The following TPGS2 variants were observed in gnomAD, a reference collection of about 807,000 sequenced individuals.
The protein encoded by TPGS2 is polyglutamylase subunit 2.
TPGS2 carries 26 observed loss-of-function variants against 31.1 expected under a neutral mutation model. The observed-to-expected ratio is 0.84, with a 90% confidence interval of 0.61 to 1.16. The LOEUF (loss-of-function observed/expected upper bound fraction) is 1.16. Among genes scored for constraint, TPGS2 ranks in the 50% most tolerant of loss-of-function variants. The pLI is 0.00. For synonymous variants in TPGS2, 130 were observed against 136.6 expected (o/e 0.95, Z 0.34); for missense variants, 351 against 363.8 (o/e 0.96, Z 0.29).
intron 4 of TPGS2, among the ~76,000 whole-genome samples, chr18:36,802,563 G>A (rs2044876583): frequency 6.6e-6 from 1 of 151,868 alleles, no homozygotes; most frequent in African/African-American, 2.4e-5. Context: ...ACCTCCACAG[G>A]GGCATATAAG....
chr18:36,804,704 G>C (rs2150592671), intron 4 of TPGS2, among the ~76,000 whole-genome samples: 1 of 152,252 alleles, frequency 6.6e-6, no homozygotes, highest in South Asian at 2.1e-4. Context: ...TTCTGTTCAA[G>C]GAAGCCATAC....
rs997658790 is a variant in TPGS2, at chr18:36,796,167, G to A, written c.*638C>T. On this transcript the variant is annotated 3_prime_UTR_variant, in exon 7 of 7. Transcript: ENST00000334295. ...ACAAAGAACATACAATTGTGTACTT[G>A]AGAGGTTTCATGGAACATTATGACC... 53 of 985,294 alleles carry A rather than the reference G, an allele frequency of 5.4e-5. No individual in the cohort carries two copies. Among genetic ancestry groups the A allele is most frequent in the Non-Finnish European group, 5.8e-5 (48 of 829,936 alleles). The allele number at this position is 985,294 out of a possible 1,614,324, so 61.0% of individuals were successfully genotyped here.
intron 1 of TPGS2, among the ~76,000 whole-genome samples, chr18:36,824,229 A>G (rs771660118): frequency 6.6e-6 from 1 of 152,246 alleles, no homozygotes; most frequent in Admixed American, 6.5e-5. Flanking sequence ...TTTTTGTTAT[A>G]TGGATATATC....
At chr18:36,781,930 A>G (rs2150514189), downstream of TPGS2, 1 of 984,986 alleles carries the variant, frequency 1.0e-6, no homozygotes, top group Non-Finnish European at 1.2e-6. Context: ...CACCTTATTG[A>G]AAAGAATACA....
At chr18:36,823,141 A>G (rs1002340815) in intron 1 of TPGS2, among the ~76,000 whole-genome samples, 2 of 152,232 alleles carry the variant, frequency 1.3e-5, no homozygotes, top group African/African-American at 4.8e-5. Context: ...CTGGCACGGC[A>G]TGACTGGCTT....
downstream of TPGS2, chr18:36,789,591 A>G (rs1346892422): frequency 6.6e-6 from 1 of 152,208 alleles, no homozygotes; most frequent in Non-Finnish European, 1.5e-5. Context: ...ATTGCTTTGG[A>G]CTGCAGTTTC....
chr18:36,827,757 C>G (rs951863382), intron 1 of TPGS2, among the ~76,000 whole-genome samples: 22 of 152,182 alleles, frequency 1.4e-4, no homozygotes, highest in African/African-American at 5.3e-4. Context: ...TTTAACTTCC[C>G]TGGTAAGATC....
At chr18:36,782,945 C>T (rs1477930505), downstream of TPGS2, 1 of 396,158 alleles carries the variant, frequency 2.5e-6, no homozygotes, top group African/African-American at 2.1e-5. Flanking sequence ...CCTGCCAGCT[C>T]AGTGGCAGGA....
At position 36,828,974 on chromosome 18, in the gene TPGS2, G is replaced by T. The variant is rs2046340066; in HGVS notation, c.-207C>A. Reference sequence around the variant, plus strand: ...GCGGCCCCGCCCGGTGCCCCACACCGCACCTCCGGGACGTAGCTTCCCCTT... The same window carrying T: ...GCGGCCCCGCCCGGTGCCCCACACCTCACCTCCGGGACGTAGCTTCCCCTT... On this transcript the variant is annotated 5_prime_UTR_variant, in exon 1 of 7. Coordinates refer to ENST00000334295, the MANE Select transcript of TPGS2 (RefSeq NM_015476.4). 1.9e-6 allele frequency: 2 copies of T among 1,038,972 alleles called. No individual in the cohort carries two copies. The highest frequency in any genetic ancestry group is 2.7e-6 in the Non-Finnish European group (2 of 753,084). The allele number at this position is 1,038,972 out of a possible 1,614,324, so 64.4% of individuals were successfully genotyped here.
Position 36,828,769 on chromosome 18 carries a change from G to A in TPGS2, c.-2C>T. 6.2e-7 allele frequency: 1 copy of A among 1,612,874 alleles called. No individual in the cohort carries two copies. The highest frequency in any genetic ancestry group is 8.5e-7 in the Non-Finnish European group (1 of 1,179,598). ...CGGGGACGATGCCTCCTCCTCCATG[G>A]CTCGCGACCGCGATTCGCGCGCGGC... On this transcript the variant is annotated 5_prime_UTR_variant, in exon 1 of 7. Transcript: ENST00000334295.
At chr18:36,798,407 G>A (rs2044635505) in intron 6 of TPGS2, 42 bp downstream of exon 6, 1 of 1,612,198 alleles carries the variant, frequency 6.2e-7, no homozygotes, top group Non-Finnish European at 8.5e-7. Context: ...AGTAGATTTT[G>A]GAATATACCA....
intron 1 of TPGS2, among the ~76,000 whole-genome samples, chr18:36,825,742 G>A (rs1388060785): frequency 6.6e-6 from 1 of 152,088 alleles, no homozygotes; most frequent in Non-Finnish European, 1.5e-5. Context: ...TCCTGTTTTG[G>A]AAAGAAAAGT....
At chr18:36,818,341 G>A (rs1214655866) in intron 2 of TPGS2, among the ~76,000 whole-genome samples, 1 of 151,032 alleles carries the variant, frequency 6.6e-6, no homozygotes, top group African/African-American at 2.4e-5. Flanking sequence ...AGATCAAGAG[G>A]CAAAAACAGT....
intron 2 of TPGS2, among the ~76,000 whole-genome samples, chr18:36,808,769 C>G (rs768690359): frequency 1.3e-5 from 2 of 150,666 alleles, no homozygotes; most frequent in East Asian, 3.9e-4. Context: ...TCATCCAAAC[C>G]GTTGCTGGAG....
At chr18:36,784,546 AG>A (rs1373561702) in intron 6 of TPGS2, among the ~76,000 whole-genome samples, 13 of 152,368 alleles carry the variant, frequency 8.5e-5, no homozygotes, top group Non-Finnish European at 1.5e-4. Context: ...TTGTCAAAAA[AG>A]GTGGTCTATT....
Position 36,795,620 on chromosome 18 carries a change from A to C in TPGS2, c.*1185T>G. The C allele has an allele frequency of 5.1e-6, 5 of 985,496 alleles. No individual in the cohort carries two copies. Among genetic ancestry groups the C allele is most frequent in the Non-Finnish European group, 6.0e-6 (5 of 829,942 alleles). 61.0% of individuals were successfully genotyped at this position (985,496 alleles called of 1,614,324 possible). A position where few individuals can be genotyped will look rare whatever the true frequency, so the allele number is the denominator to read the frequency against. ...GAGCAACCTTCTCTGTAAAAATTTC[A>C]TTAAATGTAGTAGGTATGTCAGATT... On this transcript the variant is annotated 3_prime_UTR_variant, in exon 7 of 7. Coordinates refer to ENST00000334295, the MANE Select transcript of TPGS2 (RefSeq NM_015476.4).
rs1377895550 is a variant in TPGS2, at chr18:36,794,547, TA to T, written c.*2257del. On this transcript the variant is annotated 3_prime_UTR_variant, in exon 7 of 7. Transcript: ENST00000334295. ...GTATCTGCTGCAGTGGAAGATGACATAACTTCTCAACTCCCTTCTAACCTCG... is the reference window on the plus strand; with the variant it reads ...GTATCTGCTGCAGTGGAAGATGACATACTTCTCAACTCCCTTCTAACCTCG... The T allele has an allele frequency of 1.0e-6, 1 of 985,246 alleles. No individual in the cohort carries two copies. Among genetic ancestry groups the T allele is most frequent in the Non-Finnish European group, 1.2e-6 (1 of 829,912 alleles). 61.0% of individuals were successfully genotyped at this position (985,246 alleles called of 1,614,324 possible).
Position 36,795,394 on chromosome 18 carries a change from G to GA in TPGS2, c.*1410_*1411insT, listed in dbSNP as rs1014553448. ...GGACTGAAGTGTGCAGATGGTAGAGGCCCCTGCACCTCATTCCTCAAAACT... is the reference window on the plus strand; with the variant it reads ...GGACTGAAGTGTGCAGATGGTAGAGGACCCCTGCACCTCATTCCTCAAAACT... On this transcript the variant is annotated 3_prime_UTR_variant, in exon 7 of 7. Coordinates refer to ENST00000334295, the MANE Select transcript of TPGS2 (RefSeq NM_015476.4). The GA allele has an allele frequency of 3.0e-6, 3 of 985,202 alleles. No individual in the cohort carries two copies. In the African/African-American group the frequency reaches 5.2e-5, roughly 17 times the overall value. 61.0% of individuals were successfully genotyped at this position (985,202 alleles called of 1,614,324 possible).
downstream of TPGS2, chr18:36,790,011 A>G (rs1182364681): frequency 1.3e-5 from 2 of 152,374 alleles, no homozygotes; most frequent in African/African-American, 4.8e-5. Context: ...CACTATGTCT[A>G]CATTGTGCTC....
Sources: gnomAD v4.1 joint callset for allele counts (sites outside exome capture counted in the v4.1 genomes callset) on GRCh38, gnomAD v4.1.1 for gene constraint, MANE v1.5 for transcripts, NCBI Gene and HGNC (gene_info 2026-07-23, HGNC 2026-07-21) for gene names.